Variants in RNF150 observed in about 807,000 individuals in gnomAD.
RNF150 encodes the protein ring finger protein 150.
RNF150 carries 24 observed loss-of-function variants against 39.3 expected under a neutral mutation model. The ratio of observed to expected loss-of-function variants is 0.61; its 90% CI spans 0.44 to 0.86. RNF150 has a LOEUF of 0.86. RNF150 is among the 40% of genes least tolerant of loss of function. The pLI is 0.00. For synonymous variants in RNF150, 255 were observed against 227.3 expected, an observed-to-expected ratio of 1.12 and a Z score of -1.10; for missense variants, 502 against 587.8, an observed-to-expected ratio of 0.85 and a Z score of 1.51.
At chr4:141,186,466 T>G (rs1305502320) in intron 1 of RNF150, among the ~76,000 whole-genome samples, 1 of 152,184 alleles carries the variant, frequency 6.6e-6, no homozygotes, top group African/African-American at 2.4e-5. Context: ...TGGCACGATC[T>G]CGGCTCACTG....
intron 1 of RNF150, among the ~76,000 whole-genome samples, chr4:141,054,712 T>C (rs1414503265): frequency 6.6e-6 from 1 of 152,138 alleles, no homozygotes; most frequent in Non-Finnish European, 1.5e-5. Flanking sequence ...TTCAGATAAA[T>C]TGCCCAAGAG....
At chr4:141,136,775 A>C (rs1431881401), upstream of RNF150, among the ~76,000 whole-genome samples, 1 of 152,328 alleles carries the variant, frequency 6.6e-6, no homozygotes, top group African/African-American at 2.4e-5. Flanking sequence ...AAAAAACAGA[A>C]ATTTCTAAAA....
chr4:141,087,932 G>A (rs928057254), intron 1 of RNF150, among the ~76,000 whole-genome samples: 11 of 151,926 alleles, frequency 7.2e-5, no homozygotes, highest in African/African-American at 9.7e-5. Context: ...CAGCAGTGGC[G>A]GGCAATGTCC....
At chr4:141,024,620 C>A (rs1341292866) in intron 1 of RNF150, among the ~76,000 whole-genome samples, 4 of 152,108 alleles carry the variant, frequency 2.6e-5, no homozygotes, top group Non-Finnish European at 5.9e-5. Flanking sequence ...TCAAAAGGGT[C>A]AGAATACAAA....
Position 140,865,356 on chromosome 4 carries a change from A to G in RNF150, c.*2905T>C, listed in dbSNP as rs1032886889. On this transcript the variant is annotated 3_prime_UTR_variant, in exon 7 of 7. Transcript: ENST00000515673. ...GACAGTGCTAGTCTAGACTCTTGCT[A>G]TAGAAAAATGCACATCTGCAAATAC... 3.3e-5 allele frequency: 5 copies of G among 152,466 alleles called. No individual in the cohort carries two copies. The highest frequency in any genetic ancestry group is 2.9e-5 in the Non-Finnish European group (2 of 68,032). 9.4% of individuals were successfully genotyped at this position (152,466 alleles called of 1,614,324 possible).
At chr4:141,005,630 T>C (rs928033931) in intron 1 of RNF150, among the ~76,000 whole-genome samples, 10 of 152,198 alleles carry the variant, frequency 6.6e-5, no homozygotes, top group Admixed American at 5.9e-4. Flanking sequence ...GAATTGCAGA[T>C]AAAACCTATG....
At chr4:141,154,464 A>T (rs1727350066) in intron 1 of RNF150, among the ~76,000 whole-genome samples, 3 of 152,098 alleles carry the variant, frequency 2.0e-5, no homozygotes, top group Admixed American at 2.0e-4. Context: ...TTGGGTAATG[A>T]CTCTATTTGG....
chr4:140,988,820 G>A (rs1734098682), intron 1 of RNF150, among the ~76,000 whole-genome samples: 1 of 152,076 alleles, frequency 6.6e-6, no homozygotes, highest in Non-Finnish European at 1.5e-5. Flanking sequence ...ATACTATGCA[G>A]CCATAAAAAA....
chr4:141,109,715 A>G (rs1216323152), intron 1 of RNF150, among the ~76,000 whole-genome samples: 1 of 152,194 alleles, frequency 6.6e-6, no homozygotes, highest in Non-Finnish European at 1.5e-5. Context: ...GGAGCAGCAT[A>G]TATCAGAATA....
At chr4:141,180,805 C>T (rs927001207) in intron 1 of RNF150, among the ~76,000 whole-genome samples, 1 of 152,144 alleles carries the variant, frequency 6.6e-6, no homozygotes, top group South Asian at 2.1e-4. Context: ...CATTGCCCCA[C>T]TAGGGTGTTG....
intron 3 of RNF150, 45 bp from the exon 4 acceptor site, chr4:140,947,781 C>A: frequency 1.5e-6 from 2 of 1,357,780 alleles, no homozygotes; most frequent in Non-Finnish European, 2.0e-6. Flanking sequence ...TTAGCTTCAT[C>A]TCTTGTGTAA....
chr4:140,948,129 A>C (rs1732396587), intron 3 of RNF150, among the ~76,000 whole-genome samples: 1 of 152,194 alleles, frequency 6.6e-6, no homozygotes, highest in Non-Finnish European at 1.5e-5. Flanking sequence ...TGGTAGTTCC[A>C]ATTTTTTTCA....
intron 1 of RNF150, among the ~76,000 whole-genome samples, chr4:141,177,066 A>AG (rs1426227443): frequency 1.3e-5 from 2 of 151,344 alleles, no homozygotes; most frequent in Non-Finnish European, 2.9e-5. Flanking sequence ...AAAAAAAAAA[A>AG]AAAAAAAACA....
chr4:140,948,890 C>G (rs1732429941), intron 3 of RNF150, among the ~76,000 whole-genome samples: 2 of 152,194 alleles, frequency 1.3e-5, no homozygotes, highest in African/African-American at 4.8e-5. Context: ...ACATCAGGAA[C>G]AACCATTTTG....
At chr4:141,046,941 C>T (rs759526707) in intron 1 of RNF150, among the ~76,000 whole-genome samples, 32 of 152,256 alleles carry the variant, frequency 2.1e-4, no homozygotes, top group Admixed American at 7.2e-4. Flanking sequence ...GACACTCCCT[C>T]CCCGACACAC....
chr4:141,043,523 G>A (rs554065940), intron 1 of RNF150, among the ~76,000 whole-genome samples: 10 of 152,214 alleles, frequency 6.6e-5, no homozygotes, highest in South Asian at 2.1e-4. Context: ...ACATCTTGTC[G>A]AGAGAAGTTC....
chr4:141,135,345 A>G (rs1338786205), upstream of RNF150, among the ~76,000 whole-genome samples: 1 of 152,240 alleles, frequency 6.6e-6, no homozygotes, highest in Non-Finnish European at 1.5e-5. Context: ...ATCCTCCACG[A>G]AAAGCAAGCT....
At chr4:140,891,913 T>TCTAA (rs779012439) in intron 6 of RNF150, among the ~76,000 whole-genome samples, 94 of 152,162 alleles carry the variant, frequency 6.2e-4, no homozygotes, top group Non-Finnish European at 1.1e-3. Flanking sequence ...CTTGTGAGAA[T>TCTAA]CTAACTAATG....
At chr4:141,167,900 A>AAAAT (rs1204028466) in intron 1 of RNF150, among the ~76,000 whole-genome samples, 1 of 152,246 alleles carries the variant, frequency 6.6e-6, no homozygotes, top group Non-Finnish European at 1.5e-5. Context: ...CTTCATGATT[A>AAAAT]AAACGCCAAA....
Sources: gnomAD v4.1 joint callset for allele counts (sites outside exome capture counted in the v4.1 genomes callset) on GRCh38, gnomAD v4.1.1 for gene constraint, MANE v1.5 for transcripts, NCBI Gene and HGNC (gene_info 2026-07-23, HGNC 2026-07-21) for gene names.